Variants in PDE4D observed in about 807,000 individuals in gnomAD.
The protein encoded by PDE4D is 3',5'-cyclic-AMP phosphodiesterase 4D.
PDE4D carries 24 observed loss-of-function variants against 87.4 expected under a neutral mutation model. The observed-to-expected ratio is 0.27, with a 90% confidence interval of 0.20 to 0.39. The LOEUF (loss-of-function observed/expected upper bound fraction) is 0.39. Among genes scored for constraint, PDE4D ranks in the 10% least tolerant of loss-of-function variants. The pLI is 1.00. For synonymous variants in PDE4D, 384 were observed against 383.2 expected, an observed-to-expected ratio of 1.00 and a Z score of -0.02; for missense variants, 714 against 1,041.0, an observed-to-expected ratio of 0.69 and a Z score of 4.32.
chr5:59,287,435 A>T (rs1025254885), intron 1 of PDE4D, among the ~76,000 whole-genome samples: 2 of 152,106 alleles, frequency 1.3e-5, no homozygotes, highest in African/African-American at 4.8e-5. Flanking sequence ...TTCTGACTCC[A>T]GGCCCTGGCT....
intron 2 of PDE4D, among the ~76,000 whole-genome samples, chr5:60,174,770 T>C (rs1441113349): frequency 1.3e-5 from 2 of 152,112 alleles, no homozygotes; most frequent in African/African-American, 4.8e-5. Context: ...GAGGAGAAAT[T>C]TGCTGTAATT....
In PDE4D at chr5:58,974,806, C is replaced by T; in HGVS notation, c.2288G>A (p.Ser763Asn). Residue 763 changes from serine (S) to asparagine (N), a missense_variant, in exon 15 of 15, where the codon AGT (serine) becomes AAT (asparagine). Ser to Asn is a conservative substitution (Grantham distance 46). Around this residue, in one of 7 missense-constraint regions of PDE4D, gnomAD observed 90 missense variants for 95.3 expected, o/e 0.94. Coordinates refer to ENST00000340635, the MANE Select transcript of PDE4D (RefSeq NM_001104631.2). ...GSQVEEDTSC[S>N]DSKTLCTQDS... The stretch of plus-strand genomic sequence containing the variant: ...TTGAGTACAAAGAGTCTTGGAGTCA[C>T]TGCAGCTAGTGTCTTCTTCCACTTG... 2 of 1,613,758 alleles carry T rather than the reference C, an allele frequency of 1.2e-6. No individual in the cohort carries two copies. The highest frequency in any genetic ancestry group is 1.7e-6 in the Non-Finnish European group (2 of 1,179,714).
chr5:59,994,188 T>C (rs1333681715), intron 2 of PDE4D, among the ~76,000 whole-genome samples: 1 of 151,918 alleles, frequency 6.6e-6, no homozygotes, highest in East Asian at 1.9e-4. Flanking sequence ...TAGGGTTAAA[T>C]AAATTTCTGT....
intron 1 of PDE4D, among the ~76,000 whole-genome samples, chr5:60,422,933 C>A (rs945546704): frequency 5.3e-5 from 8 of 152,068 alleles, no homozygotes; most frequent in Non-Finnish European, 1.0e-4. Flanking sequence ...CAACAAAGAT[C>A]AGAAGAGACA....
At chr5:59,942,767 C>A (rs1293512902) in intron 3 of PDE4D, among the ~76,000 whole-genome samples, 1 of 148,692 alleles carries the variant, frequency 6.7e-6, no homozygotes, top group African/African-American at 2.5e-5. Flanking sequence ...AGGAATATAG[C>A]TAGAGAGAAT....
chr5:59,764,487 T>A (rs1371934607), intron 1 of PDE4D, among the ~76,000 whole-genome samples: 1 of 152,192 alleles, frequency 6.6e-6, no homozygotes, highest in East Asian at 1.9e-4. Context: ...CTTTTCTAAC[T>A]GCTTTGGTGC....
intron 1 of PDE4D, among the ~76,000 whole-genome samples, chr5:60,382,834 G>T (rs1761958831): frequency 6.6e-6 from 1 of 152,210 alleles, no homozygotes; most frequent in Admixed American, 6.5e-5. Flanking sequence ...GACAGTGAGC[G>T]CTAGGGAAGT....
chr5:59,699,853 T>C (rs1426864443), intron 1 of PDE4D, among the ~76,000 whole-genome samples: 1 of 152,200 alleles, frequency 6.6e-6, no homozygotes, highest in Non-Finnish European at 1.5e-5. Flanking sequence ...TAAGTATCAG[T>C]ATATCCCTCA....
chr5:59,444,267 G>C (rs1369868664), intron 1 of PDE4D, among the ~76,000 whole-genome samples: 1 of 152,128 alleles, frequency 6.6e-6, no homozygotes. Flanking sequence ...CTTGGGCCTT[G>C]CTCATAGATA....
At chr5:60,318,720 A>G (rs1016379433) in intron 1 of PDE4D, among the ~76,000 whole-genome samples, 1 of 151,862 alleles carries the variant, frequency 6.6e-6, no homozygotes, top group Non-Finnish European at 1.5e-5. Context: ...TCTGTAAAGG[A>G]TTTTATTTCT....
intron 1 of PDE4D, among the ~76,000 whole-genome samples, chr5:59,459,276 G>A (rs1276360689): frequency 2.0e-5 from 3 of 152,018 alleles, no homozygotes; most frequent in African/African-American, 4.8e-5. Flanking sequence ...TATTCATTTG[G>A]GAAGCAACTT....
At chr5:59,765,661 C>T (rs963511547) in intron 1 of PDE4D, among the ~76,000 whole-genome samples, 11 of 152,152 alleles carry the variant, frequency 7.2e-5, no homozygotes, top group African/African-American at 2.7e-4. Context: ...GCCTGGCAAC[C>T]TTGGGAATCA....
At chr5:60,109,715 C>A (rs939417589) in intron 2 of PDE4D, among the ~76,000 whole-genome samples, 4 of 152,090 alleles carry the variant, frequency 2.6e-5, no homozygotes, top group Non-Finnish European at 5.9e-5. Flanking sequence ...TTTGTAGGGA[C>A]AAGGATGAAA....
intron 1 of PDE4D, among the ~76,000 whole-genome samples, chr5:59,386,680 A>G (rs930043060): frequency 7.6e-6 from 1 of 131,132 alleles, no homozygotes; most frequent in Non-Finnish European, 1.6e-5. Flanking sequence ...AGGGCAGGGC[A>G]GCGCAGGAGG....
At position 58,969,534 on chromosome 5, in the gene PDE4D, C is replaced by T. The variant is rs1742241137; in HGVS notation, c.*5130G>A. 6.6e-6 allele frequency: 1 copy of T among 152,184 alleles called. No individual in the cohort carries two copies. The highest frequency in any genetic ancestry group is 1.5e-5 in the Non-Finnish European group (1 of 68,038). 9.4% of individuals were successfully genotyped at this position (152,184 alleles called of 1,614,324 possible). A position where few individuals can be genotyped will look rare whatever the true frequency, so the allele number is the denominator to read the frequency against. On this transcript the variant is annotated 3_prime_UTR_variant, in exon 15 of 15. Coordinates refer to ENST00000340635, the MANE Select transcript of PDE4D (RefSeq NM_001104631.2). ...TCAGAACTCAGATGCAAATCACTTT[C>T]TCAAGGCCTCAAGGAAGCCTTCTGT...
intron 3 of PDE4D, among the ~76,000 whole-genome samples, chr5:59,917,835 T>C (rs1035134408): frequency 2.0e-5 from 3 of 152,134 alleles, no homozygotes; most frequent in Non-Finnish European, 4.4e-5. Context: ...TTCTTGTCAA[T>C]ATCTTTATAG....
At chr5:59,533,395 T>C (rs1814577487) in intron 1 of PDE4D, among the ~76,000 whole-genome samples, 1 of 152,260 alleles carries the variant, frequency 6.6e-6, no homozygotes, top group Non-Finnish European at 1.5e-5. Context: ...TTAGCAAATC[T>C]GTAATGCCCA....
At chr5:59,639,390 C>T (rs1191247987) in intron 1 of PDE4D, among the ~76,000 whole-genome samples, 5 of 151,936 alleles carry the variant, frequency 3.3e-5, no homozygotes, top group Non-Finnish European at 7.4e-5. Flanking sequence ...TTGCTGGTGG[C>T]GATGGCTGGG....
At chr5:58,977,593 TTTCTCTAAAGTGA>T (rs147037695) in intron 11 of PDE4D, among the ~76,000 whole-genome samples, 1 of 152,294 alleles carries the variant, frequency 6.6e-6, no homozygotes, top group Non-Finnish European at 1.5e-5. Flanking sequence ...AGGTCTCAGC[TTTCTCTAAAGTGA>T]AAGAATTGGA....
Sources: gnomAD v4.1 joint callset for allele counts (sites outside exome capture counted in the v4.1 genomes callset) on GRCh38, gnomAD v4.1.1 for gene constraint, gnomAD v4.1.1 regional missense constraint, MANE v1.5 for transcripts, NCBI Gene and HGNC (gene_info 2026-07-23, HGNC 2026-07-21) for gene names.